The following KMT2C variants were observed in gnomAD, a reference collection of about 807,000 sequenced individuals.
KMT2C encodes the protein histone-lysine N-methyltransferase 2C.
A neutral mutation model predicts 507.9 loss-of-function variants in KMT2C; 88 were observed. That is an observed-to-expected ratio of 0.17 (90% CI 0.15 to 0.21). The LOEUF (loss-of-function observed/expected upper bound fraction) is 0.21, where lower values mean the gene tolerates loss of function less well. Among genes scored for constraint, KMT2C ranks in the 10% least tolerant of loss-of-function variants. The pLI, the probability that KMT2C is intolerant of heterozygous loss-of-function variation, is 1.00. For missense variants in KMT2C, 4,954 were observed against 5,957.8 expected (o/e 0.83, Z 5.55); for synonymous variants, 2,049 against 2,080.8 (o/e 0.98, Z 0.42).
chr7:152,246,360 C>T (rs2095473344), intron 14 of KMT2C, among the ~76,000 whole-genome samples: 1 of 152,004 alleles, frequency 6.6e-6, no homozygotes, highest in African/African-American at 2.4e-5. Context: ...AGATTATCAT[C>T]GGATTTGGGA....
chr7:152,213,643 T>C (rs1279567861), intron 23 of KMT2C, among the ~76,000 whole-genome samples: 2 of 152,048 alleles, frequency 1.3e-5, no homozygotes, highest in African/African-American at 4.8e-5. Context: ...AACTCCTTGA[T>C]ATCCTCCTTG....
intron 37 of KMT2C, among the ~76,000 whole-genome samples, chr7:152,178,681 G>T (rs1052199243): frequency 2.0e-5 from 3 of 152,100 alleles, no homozygotes; most frequent in African/African-American, 7.2e-5. Context: ...TTAAGAGTAA[G>T]ATTACAGGCA....
At chr7:152,159,811 A>C (rs1563187786) in intron 43 of KMT2C, among the ~76,000 whole-genome samples, 1 of 152,258 alleles carries the variant, frequency 6.6e-6, no homozygotes, top group Non-Finnish European at 1.5e-5. Flanking sequence ...CATTATTTCT[A>C]AATTTAACAG....
At chr7:152,255,137 A>G (rs1296430558) in intron 9 of KMT2C, among the ~76,000 whole-genome samples, 24 of 127,660 alleles carry the variant, frequency 1.9e-4, no homozygotes, top group African/African-American at 7.6e-4. Context: ...ATATATATAT[A>G]TATATATACA....
intron 6 of KMT2C, among the ~76,000 whole-genome samples, chr7:152,306,885 G>A (rs1213399001): frequency 3.9e-5 from 6 of 152,218 alleles, no homozygotes; most frequent in African/African-American, 1.2e-4. Flanking sequence ...AAAGCCAGGC[G>A]TGGTGGCACA....
chr7:152,250,094 G>T (rs1349413730), intron 12 of KMT2C, 141 bp from the exon 13 acceptor site: 1 of 532,220 alleles, frequency 1.9e-6, no homozygotes, highest in Non-Finnish European at 3.3e-6. Flanking sequence ...CCACTTATTA[G>T]TAAGTTATGA....
chr7:152,215,723 TACACACAC>T (rs138045665), intron 23 of KMT2C, among the ~76,000 whole-genome samples: 1,691 of 135,958 alleles, frequency 0.012, 70 homozygotes, highest in African/African-American at 0.05. Context: ...TATATATATA[TACACACAC>T]ACACACACAC....
chr7:152,265,301 T>C (rs1280650948), intron 7 of KMT2C, 92 bp from the exon 8 acceptor site: 9 of 1,547,146 alleles, frequency 5.8e-6, no homozygotes, highest in Non-Finnish European at 7.9e-6. Flanking sequence ...ATTTGCATCA[T>C]GAACCTTTCA....
At chr7:152,303,806 G>A (rs1253516653) in intron 6 of KMT2C, among the ~76,000 whole-genome samples, 2 of 152,154 alleles carry the variant, frequency 1.3e-5, no homozygotes, top group African/African-American at 4.8e-5. Flanking sequence ...TGGCCAACAT[G>A]GCGAAACCCT....
At chr7:152,164,039 T>C (rs187421724) in intron 42 of KMT2C, among the ~76,000 whole-genome samples, 4 of 152,314 alleles carry the variant, frequency 2.6e-5, no homozygotes, top group Non-Finnish European at 5.9e-5. Flanking sequence ...AGGATTTTTA[T>C]AAAGTTATCT....
At chr7:152,141,941 G>A (rs2090610147) in intron 55 of KMT2C, among the ~76,000 whole-genome samples, 1 of 151,990 alleles carries the variant, frequency 6.6e-6, no homozygotes, top group Admixed American at 6.5e-5. Flanking sequence ...AGGATCGCTT[G>A]AGCCCAGGAG....
In KMT2C at chr7:152,251,049, G is replaced by A. The variant is rs1003234292; in HGVS notation, c.1622-83C>T. 7 of 750,988 alleles carry A rather than the reference G, an allele frequency of 9.3e-6. No homozygotes were observed. In the African/African-American group the frequency reaches 1.2e-4, roughly 13 times the overall value. The allele number at this position is 750,988 out of a possible 1,614,324, so 46.5% of individuals were successfully genotyped here. The stretch of plus-strand genomic sequence containing the variant: ...AGTCAACAATTATGATTTTGTATGA[G>A]TAAGGGCAAATCATCACCAAAAATG... On this transcript the variant is annotated intron_variant, in intron 11 of 58. Transcript: ENST00000262189.
intron 6 of KMT2C, among the ~76,000 whole-genome samples, chr7:152,294,364 T>C (rs1396297646): frequency 6.6e-6 from 1 of 152,222 alleles, no homozygotes; most frequent in Non-Finnish European, 1.5e-5. Context: ...TACATGATGA[T>C]TGAGTACTGA....
chr7:152,298,392 T>A (rs1281532827), intron 6 of KMT2C, among the ~76,000 whole-genome samples: 1 of 152,176 alleles, frequency 6.6e-6, no homozygotes, highest in African/African-American at 2.4e-5. Context: ...ATATTATTAA[T>A]AGCAGCTGTA....
chr7:152,305,748 C>T (rs1347974470), intron 6 of KMT2C, among the ~76,000 whole-genome samples: 1 of 152,040 alleles, frequency 6.6e-6, no homozygotes, highest in Non-Finnish European at 1.5e-5. Context: ...GGTAGGTTCC[C>T]GTGCTTTGAA....
In KMT2C at chr7:152,230,243, T is replaced by C. The variant is rs1471772843; in HGVS notation, c.2848A>G (p.Ser950Gly). 6.3e-7 allele frequency: 1 copy of C among 1,599,452 alleles called. No homozygotes were observed. The highest frequency in any genetic ancestry group is 1.1e-5 in the South Asian group (1 of 88,962). The change falls in exon 17 of 59, where the codon AGT becomes GGT. Residue 950 changes from serine (S) to glycine (G), a missense_variant. Ser to Gly is a moderately conservative substitution (Grantham distance 56). Transcript: ENST00000262189. ...ACCTGATTCAAAGTGAACTTGTCAC[T>C]GCTAGAAAACAACACAACTGTATTG... ...MHNTVVLFSSSDKFTLNQDMC... is the reference protein window; with the variant it reads ...MHNTVVLFSSGDKFTLNQDMC...
intron 9 of KMT2C, among the ~76,000 whole-genome samples, chr7:152,259,452 A>ACACGCG (rs1563624819): frequency 2.5e-5 from 3 of 122,394 alleles, no homozygotes; most frequent in African/African-American, 1.2e-4. Context: ...ACGCGCACAC[A>ACACGCG]CACACACACA....
intron 42 of KMT2C, among the ~76,000 whole-genome samples, chr7:152,166,761 G>A (rs1472094590): frequency 6.6e-6 from 1 of 152,078 alleles, no homozygotes; most frequent in Non-Finnish European, 1.5e-5. Context: ...CTCCCCATGA[G>A]CTCGGTCCTC....
At position 152,399,906 on chromosome 7, in the gene KMT2C, A is replaced by C. The variant is rs990020311; in HGVS notation, c.161+35720T>G. On this transcript the variant is annotated intron_variant, in intron 1 of 58. Transcript: ENST00000262189. The stretch of plus-strand genomic sequence containing the variant: ...TCCAAGAATAAATAAAGTAGAAGAG[A>C]TGGCCAGACCAAAAAAAAACAAACA... Among the ~76,000 whole-genome samples, 14 of 152,198 alleles carry C rather than the reference A, an allele frequency of 9.2e-5. No individual in the cohort carries two copies. The South Asian group carries it at 2.7e-3, about 29-fold the overall frequency.
Sources: allele counts gnomAD v4.1 joint callset (sites outside exome capture counted in the v4.1 genomes callset), GRCh38; gene constraint gnomAD v4.1.1; transcripts MANE v1.5; gene names NCBI Gene and HGNC (gene_info 2026-07-23, HGNC 2026-07-21).